OXTR: variants seen among roughly 807,000 people sequenced by gnomAD.
The protein encoded by OXTR is oxytocin receptor.
In OXTR, 19 loss-of-function variants were observed where a neutral mutation model predicts 23.9. The observed-to-expected ratio is 0.80, with a 90% CI of 0.56 to 1.17. The LOEUF is 1.17. OXTR is among the 50% of genes most tolerant of loss of function. The probability of loss-of-function intolerance (pLI) is 0.00; values close to 1 mark genes in which losing one functional copy is unlikely to be tolerated. For synonymous variants in OXTR, 278 were observed against 250.5 expected (o/e 1.11, Z -1.04); for missense variants, 500 against 550.7 (o/e 0.91, Z 0.92).
intron 3 of OXTR, among the ~76,000 whole-genome samples, chr3:8,758,318 C>A (rs1250541670): frequency 6.6e-6 from 1 of 152,168 alleles, no homozygotes; most frequent in Non-Finnish European, 1.5e-5. Context: ...GCCACCGCCT[C>A]TCCGGGCTGT....
Position 8,751,344 on chromosome 3 carries a change from T to G in OXTR, c.*1633A>C, listed in dbSNP as rs1291642083. 1.3e-5 allele frequency: 2 copies of G among 152,206 alleles called. No homozygotes were observed. Among genetic ancestry groups the G allele is most frequent in the African/African-American group, 4.8e-5 (2 of 41,460 alleles). The allele number at this position is 152,206 out of a possible 1,614,324, so 9.4% of individuals were successfully genotyped here. A position where few individuals can be genotyped will look rare whatever the true frequency, so the allele number is the denominator to read the frequency against. ...CCATTCTGCAGGTTATCTTTTCACC[T>G]TCTTGATAGGGTCTTTTCAATCACA... On this transcript the variant is annotated 3_prime_UTR_variant, in exon 4 of 4. Transcript: ENST00000316793.
chr3:8,745,647 T>G (rs121909282), downstream of OXTR: 3 of 1,614,042 alleles, frequency 1.9e-6, no homozygotes, highest in African/African-American at 4.0e-5. This position sits in a 1 kb window ranked among gnomAD's most constrained non-coding sequence, Gnocchi z 4.8. Flanking sequence ...TTGTCCACGC[T>G]GCTGGGCGTC....
chr3:8,759,174 C>G (rs1708437130), intron 3 of OXTR, among the ~76,000 whole-genome samples: 1 of 152,188 alleles, frequency 6.6e-6, no homozygotes, highest in Non-Finnish European at 1.5e-5. Flanking sequence ...GTCCACCGTT[C>G]TTGATCTCAA....
At chr3:8,745,510 C>T (rs1484708538), downstream of OXTR, 1 of 1,606,292 alleles carries the variant, frequency 6.2e-7, no homozygotes, top group Non-Finnish European at 8.5e-7. This position sits in a 1 kb window ranked among gnomAD's most constrained non-coding sequence, Gnocchi z 4.8. Flanking sequence ...GAGGCTTCCC[C>T]TTGCCACCCC....
intron 3 of OXTR, among the ~76,000 whole-genome samples, chr3:8,761,413 G>A (rs1248571346): frequency 2.0e-5 from 3 of 152,160 alleles, no homozygotes; most frequent in African/African-American, 7.2e-5. Flanking sequence ...CAGCTTCCAT[G>A]GATCTGAGGC....
At chr3:8,742,557 G>A in the OXTR span, 1 of 451,668 alleles carries the variant, frequency 2.2e-6, no homozygotes, top group East Asian at 7.0e-5. Flanking sequence ...AATCCGGGAT[G>A]TCAAAAGAAT....
Position 8,752,981 on chromosome 3 carries a change from G to A in OXTR, c.1166C>T (p.Ala389Val), listed in dbSNP as rs201162889. The change falls in exon 4 of 4, where the codon GCG becomes GTG. Residue 389 changes from alanine (A) to valine (V), a missense_variant. Coordinates refer to ENST00000316793, the MANE Select transcript of OXTR (RefSeq NM_000916.4). ...SQRSCSQPST[A>V] ...GCCCTGGCCCTGGCTGGTGGGTCAC[G>A]CCGTGGATGGCTGGGAGCAGCTCCT... 1.0e-4 allele frequency: 166 copies of A among 1,610,184 alleles called. No individual in the cohort carries two copies. Among genetic ancestry groups the A allele is most frequent in the Non-Finnish European group, 1.2e-4 (145 of 1,177,448 alleles).
At chr3:8,764,523 C>T (rs558730557) in intron 3 of OXTR, among the ~76,000 whole-genome samples, 2 of 152,332 alleles carry the variant, frequency 1.3e-5, no homozygotes, top group South Asian at 4.1e-4. Context: ...TTTATTCCTT[C>T]CTTAACACTT....
intron 3 of OXTR, among the ~76,000 whole-genome samples, chr3:8,762,288 T>C (rs764873960): frequency 5.9e-5 from 9 of 152,332 alleles, no homozygotes; most frequent in Non-Finnish European, 1.2e-4. Context: ...AGAGGCTGGT[T>C]TGGGGTTAGC....
intron 3 of OXTR, 38 bp from the exon 4 acceptor site, chr3:8,753,262 T>C: frequency 6.2e-7 from 1 of 1,607,188 alleles, no homozygotes; most frequent in Non-Finnish European, 8.5e-7. Context: ...GAAAAGGGCA[T>C]TAATTAACAC....
At chr3:8,746,465 G>C (rs190490095), downstream of OXTR, 269 of 152,690 alleles carry the variant, frequency 1.8e-3, no homozygotes, top group Non-Finnish European at 2.6e-3. Context: ...AACCGTACAC[G>C]TTCCTTGGAA....
chr3:8,744,738 G>A, the OXTR span: 1 of 152,264 alleles, frequency 6.6e-6, no homozygotes, highest in Non-Finnish European at 1.5e-5. Context: ...GTAAATTGCT[G>A]TAGGATGCAT....
Position 8,768,223 on chromosome 3 carries a change from C to A in OXTR, c.-36G>T, listed in dbSNP as rs1708683114. ...GCAGCGGTGCGCCCCGGCCTTCGAG[C>A]CCTTTACGGCTTGGCGCGGCTGGGC... On this transcript the variant is annotated 5_prime_UTR_variant, in exon 3 of 4. Coordinates refer to ENST00000316793, the MANE Select transcript of OXTR (RefSeq NM_000916.4). This position sits in a 1 kb window ranked among gnomAD's most constrained non-coding sequence, Gnocchi z 5.4. 1 of 1,272,734 alleles carries A rather than the reference C, an allele frequency of 7.9e-7. No homozygotes were observed. The highest frequency in any genetic ancestry group is 9.9e-7 in the Non-Finnish European group (1 of 1,015,222). 78.8% of individuals were successfully genotyped at this position (1,272,734 alleles called of 1,614,324 possible).
At position 8,753,010 on chromosome 3, in the gene OXTR, G is replaced by A. The variant is rs1046275280; in HGVS notation, c.1137C>T (p.Ser379=). Residue 379 remains serine, a synonymous_variant, in exon 4 of 4, where the codon AGC becomes AGT. Coordinates refer to ENST00000316793, the MANE Select transcript of OXTR (RefSeq NM_000916.4). ...SSFVLSHRSS[S]QRSCSQPSTA ...TGGATGGCTGGGAGCAGCTCCTCTG[G>A]CTGGAGCTGCGATGGCTCAGGACAA... is the stretch of plus-strand genomic sequence containing the variant. The A allele has an allele frequency of 6.8e-6, 11 of 1,613,682 alleles. No homozygotes were observed. Among genetic ancestry groups the A allele is most frequent in the South Asian group, 2.2e-5 (2 of 91,080 alleles).
the OXTR span, among the ~76,000 whole-genome samples, chr3:8,744,299 G>A: frequency 1.2e-4 from 14 of 120,262 alleles, no homozygotes; most frequent in South Asian, 2.2e-3. Flanking sequence ...TTTTTTTTGA[G>A]ATGGAGTCTC....
intron 3 of OXTR, among the ~76,000 whole-genome samples, chr3:8,760,812 A>G (rs1708468850): frequency 6.6e-6 from 1 of 152,220 alleles, no homozygotes; most frequent in South Asian, 2.1e-4. Flanking sequence ...ACTTGTGGAA[A>G]GCGGCAAATC....
intron 3 of OXTR, among the ~76,000 whole-genome samples, chr3:8,755,173 C>T (rs1708347095): frequency 6.6e-6 from 1 of 151,868 alleles, no homozygotes; most frequent in Non-Finnish European, 1.5e-5. Context: ...AGGCAAAAAT[C>T]AACGTGCAAA....
chr3:8,748,018 CCTT>C (rs1237493222), downstream of OXTR, among the ~76,000 whole-genome samples: 1 of 152,178 alleles, frequency 6.6e-6, no homozygotes, highest in Non-Finnish European at 1.5e-5. Context: ...CCAGGAATCT[CCTT>C]GAGAAGTAGC....
Position 8,753,065 on chromosome 3 carries a change from C to A in OXTR, c.1082G>T (p.Ser361Ile). The A allele has an allele frequency of 6.2e-7, 1 of 1,614,156 alleles. No homozygotes were observed. Among genetic ancestry groups the A allele is most frequent in the Non-Finnish European group, 8.5e-7 (1 of 1,180,024 alleles). Residue 361 changes from serine (S) to isoleucine (I), a missense_variant, in exon 4 of 4, where the codon AGT becomes ATT. By Grantham distance (142) the Ser-to-Ile change is moderately radical. Coordinates refer to ENST00000316793, the MANE Select transcript of OXTR (RefSeq NM_000916.4). Reference protein sequence around the residue: ...YLKGRRLGETSASKKSNSSSF... With the variant: ...YLKGRRLGETIASKKSNSSSF... Reference sequence around the variant, plus strand: ...GGACGAGTTGCTCTTTTTGCTGGCACTCGTCTCTCCCAGGCGTCTGCCCTT... The same window carrying A: ...GGACGAGTTGCTCTTTTTGCTGGCAATCGTCTCTCCCAGGCGTCTGCCCTT...
Sources: allele counts gnomAD v4.1 joint callset (sites outside exome capture counted in the v4.1 genomes callset), GRCh38; gene constraint gnomAD v4.1.1; non-coding constraint Gnocchi (gnomAD v3.1); transcripts MANE v1.5; gene names NCBI Gene and HGNC (gene_info 2026-07-23, HGNC 2026-07-21).